COL20A1: variants seen among roughly 807,000 people sequenced by gnomAD.
COL20A1 encodes collagen alpha-1(XX) chain.
COL20A1 carries 164 observed loss-of-function variants against 152.9 expected under a neutral mutation model. The observed-to-expected ratio is 1.07, with a 90% CI of 0.94 to 1.22. COL20A1 has a LOEUF of 1.22. Among genes scored for constraint, COL20A1 ranks in the 50% most tolerant of loss-of-function variants. The pLI, the probability that COL20A1 is intolerant of heterozygous loss-of-function variation, is 0.00. For synonymous variants in COL20A1, 864 were observed against 756.0 expected (o/e 1.14, Z -2.34); for missense variants, 1,873 against 1,744.8 (o/e 1.07, Z -1.31).
chr20:63,322,226 AGGGTG>A, intron 27 of COL20A1, 115 bp downstream of exon 27: 1 of 860,146 alleles, frequency 1.2e-6, no homozygotes, highest in South Asian at 1.9e-5. Flanking sequence ...TTCCCTAGGC[AGGGTG>A]GGGTCTCCCC....
chr20:63,326,547 A>AG (rs2068252077), intron 30 of COL20A1, among the ~76,000 whole-genome samples: 2 of 151,990 alleles, frequency 1.3e-5, no homozygotes, highest in African/African-American at 4.8e-5. Context: ...GTGCTGGAGG[A>AG]GGGGTGCAGG....
Position 63,325,929 on chromosome 20 carries a change from G to A in COL20A1, c.3403-167G>A, listed in dbSNP as rs560996645. Among the ~76,000 whole-genome samples, 535 of 152,228 alleles carry A rather than the reference G, an allele frequency of 3.5e-3. 7 individuals carry two copies. Among genetic ancestry groups the A allele is most frequent in the African/African-American group, 0.012 (497 of 41,538 alleles). Reference sequence around the variant, plus strand: ...CACCCCAGGCAGGAGCTGTCACTGAGGCAGGGTGGGTGGGGGAGTGGCTGG... The same window carrying A: ...CACCCCAGGCAGGAGCTGTCACTGAAGCAGGGTGGGTGGGGGAGTGGCTGG... On this transcript the variant is annotated intron_variant, in intron 29 of 35. Coordinates refer to ENST00000358894, the MANE Select transcript of COL20A1 (RefSeq NM_020882.4).
chr20:63,311,631 G>T lies in COL20A1; in HGVS notation c.1546G>T (p.Val516Phe). 6.2e-7 allele frequency: 1 copy of T among 1,610,324 alleles called. No homozygotes were observed. The highest frequency in any genetic ancestry group is 1.3e-5 in the African/African-American group (1 of 75,028). Residue 516 changes from valine (V) to phenylalanine (F), a missense_variant, in exon 13 of 36, where the codon GTC (valine) becomes TTC (phenylalanine). Val to Phe is a conservative substitution (Grantham distance 50). Transcript: ENST00000358894. The surrounding 1 kb of genome is among the most constrained non-coding windows in gnomAD (Gnocchi z 4.4). ...KGEEEEREVQ[V>F]GRPEVLLDGL... is the part of the protein sequence containing the mutation. ...GGACGTCATGTCTCTGCAGGTGCAGGTCGGGCGGCCCGAGGTGCTGCTGGA... is the reference window on the plus strand; with the variant it reads ...GGACGTCATGTCTCTGCAGGTGCAGTTCGGGCGGCCCGAGGTGCTGCTGGA...
rs1199507640 is a variant in COL20A1 at position 63,319,234 on chromosome 20, G to A, written c.2806+34G>A. On this transcript the variant is annotated intron_variant, in intron 22 of 35. Transcript: ENST00000358894. The surrounding 1 kb of genome is among the most constrained non-coding windows in gnomAD (Gnocchi z 4.4). ...GGCCCCGCGTCGCCCCCAGCAGTCA[G>A]GAGGAGTAGGGGCAGGGAGGCCCCA... 2.5e-6 allele frequency: 4 copies of A among 1,601,454 alleles called. No individual in the cohort carries two copies. Among genetic ancestry groups the A allele is most frequent in the Non-Finnish European group, 3.4e-6 (4 of 1,173,782 alleles).
At chr20:63,312,211 G>T (rs1042200111) in intron 14 of COL20A1, among the ~76,000 whole-genome samples, 156 bp downstream of exon 14, 1 of 152,198 alleles carries the variant, frequency 6.6e-6, no homozygotes, top group Admixed American at 6.5e-5. Context: ...AGATGTGGGT[G>T]TGGGGTCTGG....
intron 11 of COL20A1, among the ~76,000 whole-genome samples, chr20:63,310,759 G>A (rs1449559203): frequency 6.6e-6 from 1 of 152,104 alleles, no homozygotes; most frequent in Admixed American, 6.5e-5. Context: ...AGCCCATTAT[G>A]CTGCTTGTCC....
intron 30 of COL20A1, among the ~76,000 whole-genome samples, 151 bp downstream of exon 30, chr20:63,326,300 G>C (rs571496246): frequency 6.6e-6 from 1 of 152,252 alleles, no homozygotes; most frequent in African/African-American, 2.4e-5. Flanking sequence ...CTTTCTGCAG[G>C]GCCCTGTGGG....
chr20:63,304,688 C>T (rs1426864212), intron 3 of COL20A1, among the ~76,000 whole-genome samples: 1 of 149,758 alleles, frequency 6.7e-6, no homozygotes, highest in African/African-American at 2.5e-5. Flanking sequence ...TTCCTCCCTC[C>T]TCTTCTCCCT....
At chr20:63,314,632 G>A (rs558110885) in intron 19 of COL20A1, among the ~76,000 whole-genome samples, 15 of 152,224 alleles carry the variant, frequency 9.9e-5, no homozygotes, top group South Asian at 2.1e-4. Context: ...CAGCTTCCCC[G>A]GCGAGGCAGC....
chr20:63,328,184 A>T, intron 33 of COL20A1, 57 bp downstream of exon 33: 1 of 1,599,382 alleles, frequency 6.3e-7, no homozygotes, highest in Non-Finnish European at 8.5e-7. Flanking sequence ...TGCCTACCAC[A>T]CCTGTCTGTC....
chr20:63,323,008 C>T (rs1297351043), intron 27 of COL20A1, among the ~76,000 whole-genome samples: 3 of 152,268 alleles, frequency 2.0e-5, no homozygotes, highest in Non-Finnish European at 4.4e-5. Context: ...GATGTCCCCA[C>T]ACTGGCCCGG....
intron 6 of COL20A1, 71 bp from the exon 7 acceptor site, chr20:63,307,899 TG>T: frequency 6.4e-7 from 1 of 1,567,088 alleles, no homozygotes; most frequent in Non-Finnish European, 8.7e-7. Flanking sequence ...CTCTCAGGTG[TG>T]GCCTTGTGCC....
rs2068072723 is a variant in COL20A1, at chr20:63,315,493, C to T, written c.2524+54C>T. 8.8e-6 allele frequency: 13 copies of T among 1,485,318 alleles called. No individual in the cohort carries two copies. In the South Asian group the frequency reaches 1.6e-4, roughly 19 times the overall value. The allele number at this position is 1,485,318 out of a possible 1,614,324, so 92.0% of individuals were successfully genotyped here. A position where few individuals can be genotyped will look rare whatever the true frequency, so the allele number is the denominator to read the frequency against. On this transcript the variant is annotated intron_variant, in intron 20 of 35. Coordinates refer to ENST00000358894, the MANE Select transcript of COL20A1 (RefSeq NM_020882.4). ...CCCACCCACAGTCTCTCGGGCTCTT[C>T]CTGGGCGTGGGGGCCAAGGGTGTCG...
Position 63,307,406 on chromosome 20 carries a change from GC to G in COL20A1, c.497-83del. 4 of 1,351,356 alleles carry G rather than the reference GC, an allele frequency of 3.0e-6. No individual in the cohort carries two copies. In the South Asian group the frequency reaches 4.0e-5, roughly 14 times the overall value. 83.7% of individuals were successfully genotyped at this position (1,351,356 alleles called of 1,614,324 possible). A position where few individuals can be genotyped will look rare whatever the true frequency, so the allele number is the denominator to read the frequency against. On this transcript the variant is annotated intron_variant, in intron 5 of 35. Coordinates refer to ENST00000358894, the MANE Select transcript of COL20A1 (RefSeq NM_020882.4). ...TGGCCCAGCCTGCCTCACTCTTGTG[GC>G]TGGAGCCCCGGGGTAGGTGATCTGG...
At chr20:63,312,579 C>G in intron 15 of COL20A1, 30 bp downstream of exon 15, 4 of 1,542,382 alleles carry the variant, frequency 2.6e-6, no homozygotes, top group Non-Finnish European at 2.6e-6. Context: ...GGCTGGGGGT[C>G]CAGCAGGGTT....
chr20:63,316,677 G>T lies in COL20A1; in HGVS notation c.2649G>T (p.Leu883=). ...TCACGCTCTTCAAGGACGCCCAGCT[G>T]ACAAGACGGGTCAGGTGTGAGGGCA... ...PTFTLFKDAQ[L]TRRVSDVYPA... The change falls in exon 21 of 36, where the codon CTG becomes CTT. Residue 883 remains leucine (L), a synonymous_variant. Coordinates refer to ENST00000358894, the MANE Select transcript of COL20A1 (RefSeq NM_020882.4). 2 of 1,567,270 alleles carry T rather than the reference G, an allele frequency of 1.3e-6. No homozygotes were observed. Among genetic ancestry groups the T allele is most frequent in the South Asian group, 1.2e-5 (1 of 85,120 alleles).
At position 63,305,751 on chromosome 20, in the gene COL20A1, C is replaced by T; in HGVS notation, c.338-130C>T. 8.9e-7 allele frequency: 1 copy of T among 1,128,266 alleles called. No individual in the cohort carries two copies. The highest frequency in any genetic ancestry group is 1.5e-5 in the African/African-American group (1 of 64,582). The allele number at this position is 1,128,266 out of a possible 1,614,324, so 69.9% of individuals were successfully genotyped here. ...AGCAAGGCTGCCTTGCCCCTGACAT[C>T]TTTGCATGCCTCCCAGGCTCCTGGG... On this transcript the variant is annotated intron_variant, in intron 4 of 35. Coordinates refer to ENST00000358894, the MANE Select transcript of COL20A1 (RefSeq NM_020882.4). This position sits in a 1 kb window ranked among gnomAD's most constrained non-coding sequence, Gnocchi z 4.9.
rs199562369 is a variant in COL20A1 at position 63,328,108 on chromosome 20, C to A, written c.3594C>A (p.Tyr1198Ter). 6.2e-7 allele frequency: 1 copy of A among 1,613,298 alleles called. No individual in the cohort carries two copies. Among genetic ancestry groups the A allele is most frequent in the East Asian group, 2.2e-5 (1 of 44,872 alleles). The change falls in exon 33 of 36, where the codon TAC (tyrosine) becomes TAA (stop). Residue 1198 changes from tyrosine (Y) to a stop codon, truncating the protein, a stop_gained. Coordinates refer to ENST00000358894, the MANE Select transcript of COL20A1 (RefSeq NM_020882.4). LOFTEE classifies it high-confidence loss of function. ...KGEPQSLATL[Y>*]QLVSQASHVS... is the part of the protein sequence containing the mutation. ...AGCCGCAGTCCCTTGCCACCCTCTA[C>A]CAGCTTGTGAGCCAGGCCTGTGAGT...
intron 3 of COL20A1, among the ~76,000 whole-genome samples, chr20:63,298,585 G>C (rs186190657): frequency 2.7e-4 from 41 of 151,408 alleles, no homozygotes; most frequent in Admixed American, 1.2e-3. Flanking sequence ...ACCATGCCCG[G>C]TCCATATTTT....
Sources: gnomAD v4.1 joint callset for allele counts (sites outside exome capture counted in the v4.1 genomes callset) on GRCh38, gnomAD v4.1.1 for gene constraint, Gnocchi (gnomAD v3.1) non-coding constraint, MANE v1.5 for transcripts, NCBI Gene and HGNC (gene_info 2026-07-23, HGNC 2026-07-21) for gene names.